UTRN: variants seen among roughly 807,000 people sequenced by gnomAD.
UTRN encodes utrophin.
In UTRN, 283 loss-of-function variants were observed where a neutral mutation model predicts 463.9. The ratio of observed to expected loss-of-function variants is 0.61; its 90% CI spans 0.55 to 0.67. The LOEUF (loss-of-function observed/expected upper bound fraction) is 0.67, where lower values mean the gene tolerates loss of function less well. Ranked by LOEUF, UTRN falls within the 30% of genes least tolerant of loss-of-function variation. The pLI, the probability that UTRN is intolerant of heterozygous loss-of-function variation, is 0.00. For missense variants in UTRN, 3,922 were observed against 4,084.3 expected, an observed-to-expected ratio of 0.96 and a Z score of 1.08; for synonymous variants, 1,442 against 1,431.5, an observed-to-expected ratio of 1.01 and a Z score of -0.17.
chr6:144,344,859 T>C (rs1409494675), intron 2 of UTRN, among the ~76,000 whole-genome samples: 2 of 152,262 alleles, frequency 1.3e-5, no homozygotes, highest in African/African-American at 4.8e-5. Context: ...GAGACATGCA[T>C]ATGCATAACT....
intron 71 of UTRN, 148 bp from the exon 72 acceptor site, chr6:144,839,025 A>G: frequency 1.8e-6 from 1 of 567,510 alleles, no homozygotes; most frequent in Non-Finnish European, 3.0e-6. Flanking sequence ...CACCAAGCTG[A>G]TGCTAAAATG....
intron 51 of UTRN, among the ~76,000 whole-genome samples, chr6:144,616,526 GTCTGAT>G: frequency 7.7e-6 from 1 of 129,306 alleles, no homozygotes; most frequent in Middle Eastern, 3.8e-3. Context: ...TTTGTGTTTT[GTCTGAT>G]AGTTTTTTTT....
At chr6:144,416,006 T>C (rs1330698776) in intron 3 of UTRN, among the ~76,000 whole-genome samples, 1 of 152,156 alleles carries the variant, frequency 6.6e-6, no homozygotes, top group Admixed American at 6.6e-5. Flanking sequence ...ATATGTGATG[T>C]ATTTGCAATT....
At chr6:144,365,428 A>G (rs1352469237) in intron 2 of UTRN, among the ~76,000 whole-genome samples, 1 of 152,226 alleles carries the variant, frequency 6.6e-6, no homozygotes, top group Non-Finnish European at 1.5e-5. Flanking sequence ...GAGATGGTCA[A>G]CTTTCTTGTG....
At chr6:144,320,672 C>T (rs1775580118) in intron 2 of UTRN, among the ~76,000 whole-genome samples, 1 of 152,138 alleles carries the variant, frequency 6.6e-6, no homozygotes, top group Non-Finnish European at 1.5e-5. Context: ...GGGCAAAGGA[C>T]AGTTTCCATA....
Position 144,824,572 on chromosome 6 carries a change from T to TTATATATATA in UTRN, c.9495-2744_9495-2735dup, listed in dbSNP as rs71028314. Among the ~76,000 whole-genome samples, 120 of 37,880 alleles carry TTATATATATA rather than the reference T, an allele frequency of 3.2e-3. 1 individual carries two copies. The highest frequency in any genetic ancestry group is 4.6e-3 in the Non-Finnish European group (96 of 20,756). The allele number at this position is 37,880 out of a possible 152,430, so 24.9% of individuals were successfully genotyped here. ...TATATATATTAATATAGCATTTTAT[T>TTATATATATA]TATATATATATATATATATATATAT... On this transcript the variant is annotated intron_variant, in intron 66 of 74. Coordinates refer to ENST00000367545, the MANE Select transcript of UTRN (RefSeq NM_007124.3).
At chr6:144,408,718 A>G (rs972521988) in intron 3 of UTRN, among the ~76,000 whole-genome samples, 41 of 152,180 alleles carry the variant, frequency 2.7e-4, no homozygotes, top group African/African-American at 8.7e-4. Context: ...CCTTTAGGAG[A>G]CAGTGAGACA....
rs768024950 is a variant in UTRN at position 144,322,190 on chromosome 6, G to GT, written c.79+30291dup. Among the ~76,000 whole-genome samples, 220 of 152,140 alleles carry GT rather than the reference G, an allele frequency of 1.4e-3. 1 individual carries two copies. Among genetic ancestry groups the GT allele is most frequent in the Admixed American group, 2.4e-3 (36 of 15,286 alleles). Reference sequence around the variant, plus strand: ...ACAAGCAAATTTATGAAATGATGCAGTTTTTTTTCACATGGAAACTGGTTT... The same window carrying GT: ...ACAAGCAAATTTATGAAATGATGCAGTTTTTTTTTCACATGGAAACTGGTTT... On this transcript the variant is annotated intron_variant, in intron 2 of 74. Transcript: ENST00000367545.
chr6:144,726,544 T>A (rs931648720), intron 53 of UTRN, among the ~76,000 whole-genome samples: 7 of 152,160 alleles, frequency 4.6e-5, no homozygotes, highest in African/African-American at 1.7e-4. Flanking sequence ...CCTGGTCTAG[T>A]GGAGCTTATA....
intron 62 of UTRN, among the ~76,000 whole-genome samples, chr6:144,792,486 G>A (rs1442992568): frequency 6.6e-6 from 1 of 152,038 alleles, no homozygotes; most frequent in Non-Finnish European, 1.5e-5. Context: ...GGTGGAGGTT[G>A]CAGCGAGCCA....
intron 65 of UTRN, among the ~76,000 whole-genome samples, chr6:144,811,977 C>T (rs1778657253): frequency 6.6e-6 from 1 of 152,038 alleles, no homozygotes; most frequent in Admixed American, 6.6e-5. Flanking sequence ...TGATTTGCCT[C>T]TTTGTAAGCC....
At chr6:144,682,050 C>T (rs1451688787) in intron 52 of UTRN, among the ~76,000 whole-genome samples, 3 of 152,004 alleles carry the variant, frequency 2.0e-5, no homozygotes, top group Non-Finnish European at 2.9e-5. Context: ...ACTATAATCA[C>T]CCTTGTTTTG....
chr6:144,813,647 C>T (rs1265486436), intron 65 of UTRN, among the ~76,000 whole-genome samples: 1 of 152,080 alleles, frequency 6.6e-6, no homozygotes, highest in Non-Finnish European at 1.5e-5. Context: ...AAAATAAATC[C>T]AGGTGGCGAT....
At chr6:144,649,678 A>T (rs1356253216) in intron 51 of UTRN, among the ~76,000 whole-genome samples, 1 of 152,054 alleles carries the variant, frequency 6.6e-6, no homozygotes, top group African/African-American at 2.4e-5. Flanking sequence ...CTTTTTTTTT[A>T]ATGTTAAGTG....
chr6:144,420,219 C>A (rs1784715149), intron 3 of UTRN, among the ~76,000 whole-genome samples: 1 of 152,104 alleles, frequency 6.6e-6, no homozygotes, highest in Non-Finnish European at 1.5e-5. Flanking sequence ...TGGGACTGTT[C>A]ATCTCTGTGG....
At chr6:144,540,703 G>C (rs1379448719) in intron 45 of UTRN, among the ~76,000 whole-genome samples, 3 of 152,012 alleles carry the variant, frequency 2.0e-5, no homozygotes, top group Non-Finnish European at 4.4e-5. Flanking sequence ...CAGAAATATT[G>C]GAGTCAATCC....
At chr6:144,299,663 T>C (rs571833951) in intron 2 of UTRN, among the ~76,000 whole-genome samples, 1 of 152,256 alleles carries the variant, frequency 6.6e-6, no homozygotes, top group African/African-American at 2.4e-5. Flanking sequence ...TAACATCACA[T>C]CTTGAACTCT....
chr6:144,658,353 A>G (rs968681661), intron 51 of UTRN, among the ~76,000 whole-genome samples: 2 of 152,226 alleles, frequency 1.3e-5, no homozygotes, highest in African/African-American at 4.8e-5. Flanking sequence ...TAGGAATGAA[A>G]TAGAAAGAAA....
At chr6:144,645,045 C>G (rs1177033481) in intron 51 of UTRN, among the ~76,000 whole-genome samples, 1 of 152,166 alleles carries the variant, frequency 6.6e-6, no homozygotes, top group Non-Finnish European at 1.5e-5. Context: ...CTTGCTTCAG[C>G]CTCTTTGCAT....
Sources: allele counts gnomAD v4.1 joint callset (sites outside exome capture counted in the v4.1 genomes callset), GRCh38; gene constraint gnomAD v4.1.1; transcripts MANE v1.5; gene names NCBI Gene and HGNC (gene_info 2026-07-23, HGNC 2026-07-21).